Variants in ST18 observed in about 807,000 individuals in gnomAD.
The protein encoded by ST18 is suppression of tumorigenicity 18 protein.
In ST18, 50 loss-of-function variants were observed where a neutral mutation model predicts 110.0. The ratio of observed to expected loss-of-function variants is 0.45; its 90% confidence interval spans 0.36 to 0.58. The LOEUF (loss-of-function observed/expected upper bound fraction) is 0.58. Ranked by LOEUF, ST18 falls within the 20% of genes least tolerant of loss-of-function variation. The probability of loss-of-function intolerance (pLI) is 0.00; values close to 1 mark genes in which losing one functional copy is unlikely to be tolerated. For synonymous variants in ST18, 461 were observed against 452.4 expected (o/e 1.02, Z -0.24); for missense variants, 1,306 against 1,280.1 (o/e 1.02, Z -0.31).
At chr8:52,175,202 T>C (rs1364769326) in intron 9 of ST18, among the ~76,000 whole-genome samples, 1 of 152,154 alleles carries the variant, frequency 6.6e-6, no homozygotes, top group Non-Finnish European at 1.5e-5. Context: ...GAATACCCAA[T>C]AGGTATCCAG....
intron 22 of ST18, among the ~76,000 whole-genome samples, chr8:52,130,082 G>A (rs1234182340): frequency 1.3e-3 from 132 of 99,854 alleles, no homozygotes; most frequent in South Asian, 8.2e-3. Flanking sequence ...GAGAGAGAGA[G>A]AGAAAGAAAG....
chr8:52,224,718 C>A (rs1193228077), intron 3 of ST18, among the ~76,000 whole-genome samples: 1 of 152,164 alleles, frequency 6.6e-6, no homozygotes, highest in Non-Finnish European at 1.5e-5. Flanking sequence ...AAGATGAATT[C>A]TTTGATATTA....
At chr8:52,402,160 T>C (rs1352515999) in intron 2 of ST18, among the ~76,000 whole-genome samples, 8 of 152,054 alleles carry the variant, frequency 5.3e-5, no homozygotes, top group Non-Finnish European at 1.2e-4. Flanking sequence ...GCAAGGGCAT[T>C]AGGGGTTCTC....
At position 52,149,785 on chromosome 8, in the gene ST18, C is replaced by T. The variant is rs1331437139; in HGVS notation, c.1999G>A (p.Asp667Asn). ...GTTTTGCTATAGTTGATAGGAGTGT[C>T]CCAGCCCTCTTGGTCACAAAGAGCC... The part of the protein sequence containing the change: ...YQALCDQEGW[D>N]TPINYSKTHG... The change falls in exon 16 of 26, where the codon GAC becomes AAC. Residue 667 changes from aspartate (D) to asparagine (N), a missense_variant. Physicochemically the swap from Asp to Asn is conservative, Grantham distance 23. Transcript: ENST00000689386. The T allele has an allele frequency of 6.2e-7, 1 of 1,614,022 alleles. No individual in the cohort carries two copies. Among genetic ancestry groups the T allele is most frequent in the African/African-American group, 1.3e-5 (1 of 74,912 alleles).
intron 2 of ST18, among the ~76,000 whole-genome samples, chr8:52,236,785 C>G (rs184058712): frequency 1.2e-4 from 19 of 152,186 alleles, no homozygotes; most frequent in African/African-American, 4.6e-4. Context: ...ACTGGATAGA[C>G]CATTGGAACA....
At chr8:52,326,229 T>C (rs1018170946) in intron 2 of ST18, among the ~76,000 whole-genome samples, 1 of 152,170 alleles carries the variant, frequency 6.6e-6, no homozygotes, top group Non-Finnish European at 1.5e-5. Context: ...TGGAGTCTCA[T>C]TTCCACAATG....
In ST18 at chr8:52,159,076, T is replaced by G; in HGVS notation, c.1628A>C (p.Asn543Thr). Residue 543 changes from asparagine (N) to threonine (T), a missense_variant, in exon 15 of 26, where the codon AAT becomes ACT. Coordinates refer to ENST00000689386, the MANE Select transcript of ST18 (RefSeq NM_001352837.2). ...KHFPNPVKFP[N>T]RLPSAGAHTQ... ...GTGGGCGCCTGCACTAGGCAGTCGATTAGGAAATTTCACTGGATTTGGAAA... is the reference window on the plus strand; with the variant it reads ...GTGGGCGCCTGCACTAGGCAGTCGAGTAGGAAATTTCACTGGATTTGGAAA... 1 of 1,614,058 alleles carries G rather than the reference T, an allele frequency of 6.2e-7. No homozygotes were observed. Among genetic ancestry groups the G allele is most frequent in the East Asian group, 2.2e-5 (1 of 44,874 alleles).
intron 2 of ST18, among the ~76,000 whole-genome samples, chr8:52,283,878 G>A (rs955683899): frequency 7.9e-5 from 12 of 152,150 alleles, no homozygotes; most frequent in Non-Finnish European, 4.4e-5. Flanking sequence ...AGCACGGGAG[G>A]TTTAAGAAGA....
intron 16 of ST18, among the ~76,000 whole-genome samples, chr8:52,144,868 T>A (rs914854546): frequency 1.3e-5 from 2 of 152,190 alleles, no homozygotes; most frequent in East Asian, 1.9e-4. Flanking sequence ...AATGAAAAAA[T>A]TCCAAATTTT....
chr8:52,377,146 C>A (rs56103445), intron 2 of ST18, among the ~76,000 whole-genome samples: 2,336 of 152,206 alleles, frequency 0.015, 62 homozygotes, highest in African/African-American at 0.054. Context: ...GTGATGTAGA[C>A]CACAATGTAT....
intron 15 of ST18, among the ~76,000 whole-genome samples, chr8:52,152,258 T>A (rs2059006258): frequency 6.6e-6 from 1 of 152,156 alleles, no homozygotes; most frequent in African/African-American, 2.4e-5. Flanking sequence ...AGATAGGCGA[T>A]CACACGTTTA....
chr8:52,333,066 G>A (rs970482173), intron 2 of ST18, among the ~76,000 whole-genome samples: 1 of 151,990 alleles, frequency 6.6e-6, no homozygotes, highest in African/African-American at 2.4e-5. Flanking sequence ...TCAGACTCTA[G>A]AGCCCAAGTT....
At chr8:52,234,929 G>A (rs150995394) in intron 2 of ST18, among the ~76,000 whole-genome samples, 105 of 152,148 alleles carry the variant, frequency 6.9e-4, no homozygotes, top group Non-Finnish European at 1.2e-3. Flanking sequence ...ATGCAAAGGC[G>A]TAAGAATGAT....
At chr8:52,404,649 G>A (rs999695271) in intron 2 of ST18, 2 of 152,136 alleles carry the variant, frequency 1.3e-5, no homozygotes, top group Non-Finnish European at 2.9e-5. Flanking sequence ...ACTGCCCCCT[G>A]AGCATTCTGA....
chr8:52,186,797 A>G (rs2072455515), intron 8 of ST18, among the ~76,000 whole-genome samples: 1 of 152,214 alleles, frequency 6.6e-6, no homozygotes, highest in Non-Finnish European at 1.5e-5. Context: ...AATCTAGGCA[A>G]TGAAAGTGCA....
At chr8:52,171,052 A>T (rs898705158) in intron 10 of ST18, among the ~76,000 whole-genome samples, 28 of 152,162 alleles carry the variant, frequency 1.8e-4, no homozygotes, top group Admixed American at 3.9e-4. Context: ...CAAATGCTGG[A>T]GAACTGATGA....
chr8:52,328,239 G>C (rs560330549), intron 2 of ST18, among the ~76,000 whole-genome samples: 1 of 152,084 alleles, frequency 6.6e-6, no homozygotes, highest in African/African-American at 2.4e-5. Context: ...ATTCAATCAC[G>C]AGCAGCCTAG....
rs561920095 is a variant in ST18 at position 52,310,719 on chromosome 8, T to C, written c.-464-80642A>G. On this transcript the variant is annotated intron_variant, in intron 2 of 25. Transcript: ENST00000689386. ...GTTCCCAACCTTCTCTTCCTCTCTG[T>C]TTCTTCTTGCGGCCTTCAGTTTAAC... Among the ~76,000 whole-genome samples, 587 of 152,302 alleles carry C rather than the reference T, an allele frequency of 3.9e-3. 3 individuals are homozygous for C. Among genetic ancestry groups the C allele is most frequent in the African/African-American group, 0.013 (560 of 41,572 alleles).
chr8:52,121,200 G>C (rs1214344860), intron 23 of ST18, among the ~76,000 whole-genome samples: 29 of 152,178 alleles, frequency 1.9e-4, no homozygotes, highest in Admixed American at 1.9e-3. Flanking sequence ...TCTTAATCAA[G>C]ATGGGGCTGT....
Sources: allele counts gnomAD v4.1 joint callset (sites outside exome capture counted in the v4.1 genomes callset), GRCh38; gene constraint gnomAD v4.1.1; transcripts MANE v1.5; gene names NCBI Gene and HGNC (gene_info 2026-07-23, HGNC 2026-07-21).